The following ARHGAP20 variants were observed in gnomAD, a reference collection of about 807,000 sequenced individuals.
The protein encoded by ARHGAP20 is Rho GTPase activating protein 20.
In ARHGAP20, 34 loss-of-function variants were observed where a neutral mutation model predicts 73.7. That is an observed-to-expected ratio of 0.46 (90% CI 0.35 to 0.61). The LOEUF (loss-of-function observed/expected upper bound fraction) is 0.61. ARHGAP20 is among the 20% of genes least tolerant of loss of function. The probability of loss-of-function intolerance (pLI) is 0.00; values close to 1 mark genes in which losing one functional copy is unlikely to be tolerated. For missense variants in ARHGAP20, 1,314 were observed against 1,420.9 expected (o/e 0.92, Z 1.21); for synonymous variants, 523 against 518.2 (o/e 1.01, Z -0.13).
At chr11:110,632,879 T>A (rs1044433635) in intron 2 of ARHGAP20, among the ~76,000 whole-genome samples, 2 of 152,084 alleles carry the variant, frequency 1.3e-5, no homozygotes, top group African/African-American at 4.8e-5. Flanking sequence ...TATCCTAGAT[T>A]CCAGTCCTTT....
intron 2 of ARHGAP20, among the ~76,000 whole-genome samples, chr11:110,646,175 A>G (rs1949190538): frequency 6.6e-6 from 1 of 152,196 alleles, no homozygotes; most frequent in African/African-American, 2.4e-5. Flanking sequence ...TAAATATTGT[A>G]TTATACATAC....
At chr11:110,666,130 T>G (rs1381960089) in intron 2 of ARHGAP20, among the ~76,000 whole-genome samples, 1 of 152,000 alleles carries the variant, frequency 6.6e-6, no homozygotes. Flanking sequence ...TACAACAGCA[T>G]CAAACAATAT....
intron 2 of ARHGAP20, among the ~76,000 whole-genome samples, chr11:110,688,877 G>C (rs1309263324): frequency 1.3e-5 from 2 of 152,114 alleles, no homozygotes; most frequent in Admixed American, 1.3e-4. Flanking sequence ...AAAAACTACT[G>C]AGTCTGAGAA....
chr11:110,590,546 A>G, intron 11 of ARHGAP20, 102 bp downstream of exon 11: 1 of 1,219,560 alleles, frequency 8.2e-7, no homozygotes, highest in Non-Finnish European at 1.1e-6. Context: ...TAAATCTATT[A>G]TGGGTCTTTG....
At chr11:110,588,691 C>A (rs534865081) in intron 11 of ARHGAP20, among the ~76,000 whole-genome samples, 1 of 152,210 alleles carries the variant, frequency 6.6e-6, no homozygotes, top group South Asian at 2.1e-4. Flanking sequence ...CTTCTAGAAC[C>A]ATGCTTCTTT....
intron 12 of ARHGAP20, among the ~76,000 whole-genome samples, chr11:110,584,006 A>G (rs1011079937): frequency 6.6e-6 from 1 of 152,228 alleles, no homozygotes; most frequent in African/African-American, 2.4e-5. Flanking sequence ...ATTAAAAAAA[A>G]TGCTGCCTGA....
chr11:110,609,082 A>T, intron 7 of ARHGAP20, 32 bp from the exon 8 acceptor site: 1 of 1,593,756 alleles, frequency 6.3e-7, no homozygotes, highest in Non-Finnish European at 8.6e-7. Context: ...TGTCACAATA[A>T]ATCTTTCACA....
intron 2 of ARHGAP20, among the ~76,000 whole-genome samples, chr11:110,670,784 A>T (rs967044711): frequency 2.0e-5 from 3 of 152,084 alleles, no homozygotes; most frequent in African/African-American, 7.2e-5. Flanking sequence ...ATACTCCATA[A>T]GCCCACAACC....
chr11:110,590,073 A>G (rs1336400016), intron 11 of ARHGAP20, among the ~76,000 whole-genome samples: 1 of 151,394 alleles, frequency 6.6e-6, no homozygotes, highest in Non-Finnish European at 1.5e-5. Flanking sequence ...GTGAGCCGCA[A>G]TCATGCCATT....
At position 110,630,628 on chromosome 11, in the gene ARHGAP20, T is replaced by G. The variant is rs751635883; in HGVS notation, c.353A>C (p.Lys118Thr). The G allele has an allele frequency of 6.2e-7, 1 of 1,613,880 alleles. No individual in the cohort carries two copies. Among genetic ancestry groups the G allele is most frequent in the Admixed American group, 1.7e-5 (1 of 59,968 alleles). Residue 118 changes from lysine to threonine, a missense_variant and splice_region_variant, in exon 3 of 15, where the codon AAA becomes ACA. By Grantham distance (78) the Lys-to-Thr change is moderately conservative. This residue lies in a region of ARHGAP20 where 443 missense variants were observed against 466.4 expected (regional missense o/e 0.95). Coordinates refer to ENST00000683387, the MANE Select transcript of ARHGAP20 (RefSeq NM_001384657.1). ...AATCAGGAGTATATAGTATACATAC[T>G]TGATTTTGGCCACAACAAACAGATC... is the stretch of plus-strand genomic sequence containing the variant. ...FNDLFVVAKI[K>T]YNNNFKIKNK...
chr11:110,660,061 CAAAAAAAA>C (rs746439426), intron 2 of ARHGAP20, among the ~76,000 whole-genome samples: 3 of 69,250 alleles, frequency 4.3e-5, no homozygotes, highest in Admixed American at 1.6e-4. Flanking sequence ...TAATAAAAAA[CAAAAAAAA>C]AAAAAAAAAG....
chr11:110,609,127 T>G lies in ARHGAP20; in HGVS notation c.709-77A>C, dbSNP rs1591312770. ...TGAATGAGGACACATTTTTTTTTTT[T>G]GGTTATGTGTCCTCCCTCCTGCCCC... On this transcript the variant is annotated intron_variant, in intron 7 of 14. Transcript: ENST00000683387. 1.0e-5 allele frequency: 13 copies of G among 1,273,504 alleles called. No individual in the cohort carries two copies. In the East Asian group the frequency reaches 3.0e-4, roughly 30 times the overall value. 78.9% of individuals were successfully genotyped at this position (1,273,504 alleles called of 1,614,324 possible).
chr11:110,633,711 C>T (rs1372029044), intron 2 of ARHGAP20, among the ~76,000 whole-genome samples: 5 of 152,282 alleles, frequency 3.3e-5, no homozygotes, highest in Middle Eastern at 3.4e-3. Context: ...AGTCGAGGAG[C>T]ATCTGCACAT....
At chr11:110,593,236 G>C (rs1046025611) in intron 9 of ARHGAP20, among the ~76,000 whole-genome samples, 2 of 152,136 alleles carry the variant, frequency 1.3e-5, no homozygotes, top group Non-Finnish European at 2.9e-5. Flanking sequence ...CAGAAGAAAG[G>C]TCAACAGTAA....
At chr11:110,709,281 G>A (rs375979967) in intron 1 of ARHGAP20, among the ~76,000 whole-genome samples, 1 of 152,156 alleles carries the variant, frequency 6.6e-6, no homozygotes, top group Admixed American at 6.5e-5. Context: ...TCTGAGGACG[G>A]GGCCATATCT....
At chr11:110,691,960 G>A (rs1004366852) in intron 1 of ARHGAP20, among the ~76,000 whole-genome samples, 9 of 152,070 alleles carry the variant, frequency 5.9e-5, no homozygotes, top group Admixed American at 5.9e-4. Flanking sequence ...TTCAGGCCAG[G>A]TTACTTATAT....
intron 2 of ARHGAP20, among the ~76,000 whole-genome samples, chr11:110,680,160 C>T (rs1782097156): frequency 6.6e-6 from 1 of 152,108 alleles, no homozygotes; most frequent in Non-Finnish European, 1.5e-5. Context: ...AAAATTAACT[C>T]ATTTAATCCC....
chr11:110,702,224 G>C (rs899310987), intron 1 of ARHGAP20, among the ~76,000 whole-genome samples: 6 of 152,054 alleles, frequency 3.9e-5, no homozygotes, highest in Non-Finnish European at 7.4e-5. Flanking sequence ...TGCAAGGCTG[G>C]TTCAATATAC....
intron 7 of ARHGAP20, 110 bp from the exon 8 acceptor site, chr11:110,609,160 G>T: frequency 2.3e-6 from 2 of 860,966 alleles, no homozygotes; most frequent in Non-Finnish European, 3.7e-6. Context: ...CCCCTACCCA[G>T]TGATAGTTAG....
Sources: allele counts gnomAD v4.1 joint callset (sites outside exome capture counted in the v4.1 genomes callset), GRCh38; gene constraint gnomAD v4.1.1; regional missense constraint gnomAD v4.1.1; transcripts MANE v1.5; gene names NCBI Gene and HGNC (gene_info 2026-07-23, HGNC 2026-07-21).